The following UTS2 variants were observed in gnomAD, a reference collection of about 807,000 sequenced individuals.
UTS2 encodes urotensin 2.
Under a neutral mutation model 12.6 loss-of-function variants are expected in UTS2, and 10 were observed. The ratio of observed to expected loss-of-function variants is 0.80; its 90% CI spans 0.49 to 1.35. UTS2 has a LOEUF of 1.35. Ranked by LOEUF, UTS2 falls within the 40% of genes most tolerant of loss-of-function variation. The probability of loss-of-function intolerance (pLI) is 0.00; values close to 1 mark genes in which losing one functional copy is unlikely to be tolerated. For synonymous variants in UTS2, 52 were observed against 50.0 expected (o/e 1.04, Z -0.17); for missense variants, 142 against 143.2 (o/e 0.99, Z 0.04).
chr1:7,883,921 T>G, the UTS2 span, among the ~76,000 whole-genome samples: 1 of 152,100 alleles, frequency 6.6e-6, no homozygotes, highest in African/African-American at 2.4e-5. Context: ...TTCAAGTGAT[T>G]CTCCTGCCTC....
the UTS2 span, among the ~76,000 whole-genome samples, chr1:7,907,293 A>G: frequency 1.3e-5 from 2 of 151,828 alleles, no homozygotes; most frequent in Non-Finnish European, 2.9e-5. Flanking sequence ...CTTATAAACT[A>G]GTAGATTTAA....
chr1:7,869,769 A>T, the UTS2 span, among the ~76,000 whole-genome samples: 1 of 152,220 alleles, frequency 6.6e-6, no homozygotes, highest in East Asian at 1.9e-4. Flanking sequence ...TGCTCCGCTT[A>T]TTGATCTGAT....
At chr1:7,872,335 AG>A in the UTS2 span, among the ~76,000 whole-genome samples, 15 of 140,248 alleles carry the variant, frequency 1.1e-4, no homozygotes, top group African/African-American at 4.0e-4. Flanking sequence ...AGAAAAAAAA[AG>A]AAAAAGAAAA....
chr1:7,864,040 C>T, the UTS2 span, among the ~76,000 whole-genome samples: 29 of 152,342 alleles, frequency 1.9e-4, no homozygotes, highest in African/African-American at 6.5e-4. Flanking sequence ...CAGCGTGTCT[C>T]GAGGCACTTC....
the UTS2 span, among the ~76,000 whole-genome samples, chr1:7,863,057 T>TTGA: frequency 1.3e-5 from 1 of 75,880 alleles, no homozygotes; most frequent in Non-Finnish European, 2.8e-5. Context: ...TGTATTGTAT[T>TTGA]GTATTGTATT....
At chr1:7,880,959 T>C in the UTS2 span, among the ~76,000 whole-genome samples, 1 of 152,192 alleles carries the variant, frequency 6.6e-6, no homozygotes, top group Non-Finnish European at 1.5e-5. Flanking sequence ...CATGAGCAAG[T>C]GGGATTTAGC....
At chr1:7,859,182 T>C in the UTS2 span, among the ~76,000 whole-genome samples, 74 of 152,254 alleles carry the variant, frequency 4.9e-4, no homozygotes, top group African/African-American at 1.7e-3. Flanking sequence ...ATCATCGGGG[T>C]CCATTCTTAC....
At chr1:7,876,403 GT>G in the UTS2 span, among the ~76,000 whole-genome samples, 62,211 of 152,030 alleles carry the variant, frequency 0.41, 13,362 homozygotes, top group Admixed American at 0.57. Context: ...CACCCAGCCT[GT>G]TGCCACCAAT....
At chr1:7,875,834 C>A in the UTS2 span, among the ~76,000 whole-genome samples, 3 of 152,160 alleles carry the variant, frequency 2.0e-5, no homozygotes, top group African/African-American at 7.2e-5. Flanking sequence ...GATGAACCCA[C>A]TTTGCCCATG....
At chr1:7,896,380 A>T in the UTS2 span, among the ~76,000 whole-genome samples, 91 of 152,274 alleles carry the variant, frequency 6.0e-4, no homozygotes, top group African/African-American at 2.2e-3. Flanking sequence ...TTTACAGGTG[A>T]TTTCTACCAA....
At chr1:7,895,365 A>G in the UTS2 span, among the ~76,000 whole-genome samples, 1 of 141,958 alleles carries the variant, frequency 7.0e-6, no homozygotes, top group Admixed American at 7.2e-5. Flanking sequence ...GCGAGACTCC[A>G]TCCCAAAAAA....
chr1:7,903,967 C>T, the UTS2 span, among the ~76,000 whole-genome samples: 4 of 152,108 alleles, frequency 2.6e-5, no homozygotes, highest in African/African-American at 7.2e-5. Flanking sequence ...GTCTGATGTA[C>T]CTTCCACACA....
chr1:7,906,367 G>T, the UTS2 span, among the ~76,000 whole-genome samples: 2 of 150,982 alleles, frequency 1.3e-5, no homozygotes, highest in Non-Finnish European at 2.9e-5. Flanking sequence ...ACTGGTGAAC[G>T]TCTTAACTGT....
chr1:7,863,027 TGTATTG>T, the UTS2 span, among the ~76,000 whole-genome samples: 1 of 25,730 alleles, frequency 3.9e-5, no homozygotes, highest in African/African-American at 1.2e-4. Flanking sequence ...TGTATTGTAT[TGTATTG>T]TATTGTATTG....
At chr1:7,857,825 G>T (rs181721259), upstream of UTS2, among the ~76,000 whole-genome samples, 20 of 145,962 alleles carry the variant, frequency 1.4e-4, no homozygotes, top group Admixed American at 8.4e-4. Flanking sequence ...ACTCCAGCCT[G>T]GGCAACAGAG....
chr1:7,876,045 A>T, the UTS2 span, among the ~76,000 whole-genome samples: 1 of 152,152 alleles, frequency 6.6e-6, no homozygotes, highest in African/African-American at 2.4e-5. Flanking sequence ...GCCTGTGCAT[A>T]CCATTTGATC....
chr1:7,849,984 T>A (rs925132073), intron 2 of UTS2, among the ~76,000 whole-genome samples: 1 of 151,562 alleles, frequency 6.6e-6, no homozygotes, highest in Non-Finnish European at 1.5e-5. Flanking sequence ...TTTTTTTTTT[T>A]TTTGAGACAG....
the UTS2 span, among the ~76,000 whole-genome samples, chr1:7,889,007 G>A: frequency 5.0e-3 from 762 of 152,026 alleles, 9 homozygotes; most frequent in African/African-American, 0.016. Flanking sequence ...TCGAGGGCTG[G>A]TGTGGGGTTA....
At chr1:7,852,720 C>G (rs1241452114) in intron 1 of UTS2, among the ~76,000 whole-genome samples, 181 bp downstream of exon 1, 1 of 152,114 alleles carries the variant, frequency 6.6e-6, no homozygotes, top group Non-Finnish European at 1.5e-5. Context: ...AAAACTGTAT[C>G]CATTACTACA....
Sources: gnomAD v4.1 joint callset for allele counts (sites outside exome capture counted in the v4.1 genomes callset) on GRCh38, gnomAD v4.1.1 for gene constraint, MANE v1.5 for transcripts, NCBI Gene and HGNC (gene_info 2026-07-23, HGNC 2026-07-21) for gene names.